KCNK18: variants seen among roughly 807,000 people sequenced by gnomAD.
KCNK18 encodes potassium channel subfamily K member 18.
In KCNK18, 8 loss-of-function variants were observed where a neutral mutation model predicts 11.8. The observed-to-expected ratio is 0.68, with a 90% CI of 0.40 to 1.22. KCNK18 has a LOEUF of 1.22. Among genes scored for constraint, KCNK18 ranks in the 50% most tolerant of loss-of-function variants. The pLI is 0.01. For synonymous variants in KCNK18, 208 were observed against 185.8 expected (o/e 1.12, Z -0.97); for missense variants, 442 against 465.4 (o/e 0.95, Z 0.46).
chr10:117,200,333 C>T (rs1854998363), intron 1 of KCNK18, among the ~76,000 whole-genome samples: 2 of 152,148 alleles, frequency 1.3e-5, no homozygotes, highest in East Asian at 3.8e-4. Context: ...CCACCTTAGC[C>T]CTCCAAAGTG....
At chr10:117,200,363 C>T (rs962694108) in intron 1 of KCNK18, among the ~76,000 whole-genome samples, 7 of 152,290 alleles carry the variant, frequency 4.6e-5, no homozygotes, top group Middle Eastern at 3.4e-3. Context: ...TAGGCGTGAG[C>T]CATCGTGCCC....
At chr10:117,199,037 G>T (rs959646537) in intron 1 of KCNK18, among the ~76,000 whole-genome samples, 2 of 152,190 alleles carry the variant, frequency 1.3e-5, no homozygotes, top group African/African-American at 4.8e-5. Context: ...CAAGGATAAG[G>T]CCAAGCATGG....
Position 117,209,589 on chromosome 10 carries a change from AC to A in KCNK18, c.446del (p.Thr149ArgfsTer86). The A allele has an allele frequency of 6.2e-7, 1 of 1,614,108 alleles. No individual in the cohort carries two copies. The highest frequency in any genetic ancestry group is 8.5e-7 in the Non-Finnish European group (1 of 1,180,022). ...TATCCCCCTGATGTTCCTCGTTCTC[AC>A]GGACACAGGCGACATCCTGGCAACC... ...FGIPLMFLVLTDTGDILATIL... is the reference protein window; with the variant it reads ...FGIPLMFLVLXDTGDILATIL... On this transcript the variant is annotated frameshift_variant, in exon 3 of 3. Coordinates refer to ENST00000334549, the MANE Select transcript of KCNK18 (RefSeq NM_181840.1). LOFTEE classifies it low-confidence loss of function (END_TRUNC).
chr10:117,200,669 G>T (rs1318269113), intron 1 of KCNK18, among the ~76,000 whole-genome samples: 1 of 152,132 alleles, frequency 6.6e-6, no homozygotes, highest in Non-Finnish European at 1.5e-5. Flanking sequence ...AGCTGGGCAT[G>T]GGTGTGGTAG....
chr10:117,201,193 T>C lies in KCNK18; in HGVS notation c.258T>C (p.His86=). The part of the protein sequence containing the change: ...VEDRKQDLQG[H]LQKVKPQWFN... ...ACAGAAAACAGGATCTCCAGGGGCA[T>C]CTGCAGAAGGTGAAGCCTCAGTGGT... The change falls in exon 2 of 3, where the codon CAT becomes CAC. Residue 86 remains histidine (H), a synonymous_variant. Coordinates refer to ENST00000334549, the MANE Select transcript of KCNK18 (RefSeq NM_181840.1). 6.2e-7 allele frequency: 1 copy of C among 1,614,172 alleles called. No individual in the cohort carries two copies. The highest frequency in any genetic ancestry group is 8.5e-7 in the Non-Finnish European group (1 of 1,180,008).
At chr10:117,203,743 G>A (rs1855043534) in intron 2 of KCNK18, among the ~76,000 whole-genome samples, 1 of 152,124 alleles carries the variant, frequency 6.6e-6, no homozygotes. Context: ...CATCATATTG[G>A]TCAGTGTGGT....
At chr10:117,201,390 CCT>C (rs1855012930) in intron 2 of KCNK18, 103 bp downstream of exon 2, 1 of 1,211,320 alleles carries the variant, frequency 8.3e-7, no homozygotes, top group South Asian at 1.2e-5. Flanking sequence ...CCCTCCTCTC[CCT>C]CTCTTCTTCC....
chr10:117,200,251 T>C (rs998992266), intron 1 of KCNK18, among the ~76,000 whole-genome samples: 1 of 152,186 alleles, frequency 6.6e-6, no homozygotes, highest in Non-Finnish European at 1.5e-5. Context: ...CTAATTTTTG[T>C]ATTTTTAGTA....
chr10:117,209,442 G>A (rs574889643), intron 2 of KCNK18, 55 bp from the exon 3 acceptor site: 5 of 1,431,888 alleles, frequency 3.5e-6, no homozygotes, highest in African/African-American at 2.8e-5. Flanking sequence ...AAAGCTTTTG[G>A]GGGGAAAAAG....
intron 1 of KCNK18, among the ~76,000 whole-genome samples, chr10:117,200,690 T>C (rs1855002745): frequency 6.6e-6 from 1 of 151,938 alleles, no homozygotes; most frequent in South Asian, 2.1e-4. Flanking sequence ...TACGCCCCTG[T>C]AGTCTCAGCT....
intron 2 of KCNK18, among the ~76,000 whole-genome samples, chr10:117,206,667 G>A (rs1406085262): frequency 2.0e-5 from 3 of 152,022 alleles, no homozygotes; most frequent in Non-Finnish European, 2.9e-5. Context: ...TAGACACACT[G>A]GCCTTCTCTT....
rs1191162707 is a variant in KCNK18, at chr10:117,210,062, A to T, written c.918A>T (p.Thr306=). The T allele has an allele frequency of 6.2e-7, 1 of 1,614,120 alleles. No homozygotes were observed. The highest frequency in any genetic ancestry group is 1.1e-5 in the South Asian group (1 of 91,080). Residue 306 remains threonine, a synonymous_variant, in exon 3 of 3, where the codon ACA becomes ACT. Transcript: ENST00000334549. ...CTGCCATCCTCCCCTTCTGGGAGAC[A>T]CAGTTGGATTTCGAGAATGCCTTCT... is the stretch of plus-strand genomic sequence containing the variant. ...CAAAILPFWE[T]QLDFENAFYF...
chr10:117,200,635 G>A (rs756733842), intron 1 of KCNK18, among the ~76,000 whole-genome samples: 19 of 151,982 alleles, frequency 1.3e-4, no homozygotes, highest in East Asian at 1.9e-4. Flanking sequence ...GTGAAACCCC[G>A]TCTCAACTAA....
At chr10:117,203,892 G>A (rs1416579576) in intron 2 of KCNK18, among the ~76,000 whole-genome samples, 1 of 152,138 alleles carries the variant, frequency 6.6e-6, no homozygotes, top group Non-Finnish European at 1.5e-5. Flanking sequence ...TGTTGGCCAG[G>A]CTGGTCTTGA....
At chr10:117,202,105 C>G (rs548796426) in intron 2 of KCNK18, among the ~76,000 whole-genome samples, 4 of 152,352 alleles carry the variant, frequency 2.6e-5, no homozygotes, top group South Asian at 2.1e-4. Flanking sequence ...GGGCCCTCTC[C>G]TCCTTCGAGA....
rs186875268 is a variant in KCNK18, at chr10:117,203,911, C to G, written c.352+2624C>G. 1.7e-3 allele frequency among the ~76,000 whole-genome samples: 260 copies of G among 152,332 alleles called. 1 individual carries two copies. Among genetic ancestry groups the G allele is most frequent in the African/African-American group, 6.0e-3 (248 of 41,576 alleles). ...GGCCAGGCTGGTCTTGAACTACTGA[C>G]TTCAGGTGATCTACCTGCCTCGGCC... On this transcript the variant is annotated intron_variant, in intron 2 of 2. Transcript: ENST00000334549.
chr10:117,198,614 AAAAC>A (rs151061906), intron 1 of KCNK18, among the ~76,000 whole-genome samples: 10,035 of 152,286 alleles, frequency 0.066, 507 homozygotes, highest in East Asian at 0.21. Context: ...AGATAAATGA[AAAAC>A]AAAGGAAAAC....
In KCNK18 at chr10:117,203,625, C is replaced by T. The variant is rs148797264; in HGVS notation, c.352+2338C>T. The stretch of plus-strand genomic sequence containing the variant: ...TGCCATCTCAGCTCACTGCAACCTC[C>T]GCCTCCCAGGTTCAAGCAATTTTCC... On this transcript the variant is annotated intron_variant, in intron 2 of 2. Coordinates refer to ENST00000334549, the MANE Select transcript of KCNK18 (RefSeq NM_181840.1). Among the ~76,000 whole-genome samples, 1,081 of 152,312 alleles carry T rather than the reference C, an allele frequency of 7.1e-3. 15 individuals carry two copies. The highest frequency in any genetic ancestry group is 0.025 in the African/African-American group (1,039 of 41,568).
In KCNK18 at chr10:117,209,813, C is replaced by CCA; in HGVS notation, c.669_670insCA (p.Ser224GlnfsTer12). The CCA allele has an allele frequency of 6.2e-7, 1 of 1,614,194 alleles. No individual in the cohort carries two copies. Among genetic ancestry groups the CCA allele is most frequent in the Non-Finnish European group, 8.5e-7 (1 of 1,180,040 alleles). ...GCACATGTCCTTCACGCCCAAGCTG[C>CCA]AGCATGGAGCTGTTTGAGAGATCTC... On this transcript the variant is annotated frameshift_variant, in exon 3 of 3. Transcript: ENST00000334549. LOFTEE classifies it low-confidence loss of function (END_TRUNC).
Sources: gnomAD v4.1 joint callset for allele counts (sites outside exome capture counted in the v4.1 genomes callset) on GRCh38, gnomAD v4.1.1 for gene constraint, MANE v1.5 for transcripts, NCBI Gene and HGNC (gene_info 2026-07-23, HGNC 2026-07-21) for gene names.